SRGAP2B: variants seen among roughly 807,000 people sequenced by gnomAD.
The protein encoded by SRGAP2B is SLIT-ROBO Rho GTPase activating protein 2B.
In SRGAP2B, 9 loss-of-function variants were observed where a neutral mutation model predicts 22.2. The ratio of observed to expected loss-of-function variants is 0.41; its 90% confidence interval spans 0.24 to 0.71. The LOEUF is 0.71. Ranked by LOEUF, SRGAP2B falls within the 30% of genes least tolerant of loss-of-function variation. The probability of loss-of-function intolerance (pLI) is 0.35; values close to 1 mark genes in which losing one functional copy is unlikely to be tolerated. For missense variants in SRGAP2B, 114 were observed against 235.8 expected (o/e 0.48, Z 3.38); for synonymous variants, 36 against 87.4 (o/e 0.41, Z 3.28).
At chr1:144,958,955 T>C (rs1667478643) in intron 3 of SRGAP2B, among the ~76,000 whole-genome samples, 1 of 149,960 alleles carries the variant, frequency 6.7e-6, no homozygotes, top group South Asian at 2.1e-4. Context: ...GCTGCTAGCA[T>C]TGTTTTATGT....
intron 2 of SRGAP2B, among the ~76,000 whole-genome samples, chr1:145,009,415 C>A (rs1227419708): frequency 1.4e-5 from 2 of 147,810 alleles, no homozygotes; most frequent in African/African-American, 5.2e-5. Context: ...GGTGAAACCC[C>A]GTCTCTACTA....
chr1:144,961,294 A>T (rs587767265), intron 3 of SRGAP2B, among the ~76,000 whole-genome samples: 40 of 147,658 alleles, frequency 2.7e-4, no homozygotes, highest in African/African-American at 9.9e-4. Flanking sequence ...GTTGACAGAA[A>T]GGAATCCAAA....
intron 4 of SRGAP2B, among the ~76,000 whole-genome samples, chr1:144,925,130 G>A (rs1553604774): frequency 1.3e-5 from 2 of 149,266 alleles, no homozygotes; most frequent in African/African-American, 2.6e-5. Flanking sequence ...AGCCTCCCAA[G>A]TAGCTGGGAC....
At chr1:145,009,232 A>T (rs1318742050) in intron 2 of SRGAP2B, among the ~76,000 whole-genome samples, 1 of 149,354 alleles carries the variant, frequency 6.7e-6, no homozygotes, top group Non-Finnish European at 1.5e-5. Context: ...TCAAAGATAA[A>T]TTATATCTGC....
chr1:144,917,586 G>A (rs1453023026), intron 4 of SRGAP2B, among the ~76,000 whole-genome samples: 2 of 146,108 alleles, frequency 1.4e-5, no homozygotes, highest in Non-Finnish European at 2.9e-5. Flanking sequence ...AAAAAAAACA[G>A]CAATTAAGCC....
rs1228904998 is a variant in SRGAP2B, at chr1:144,932,374, A to G, written c.424-17620T>C. 3.3e-5 allele frequency among the ~76,000 whole-genome samples: 5 copies of G among 151,000 alleles called. 1 individual carries two copies. Among genetic ancestry groups the G allele is most frequent in the Non-Finnish European group, 4.4e-5 (3 of 67,988 alleles). On this transcript the variant is annotated intron_variant, in intron 4 of 9. Coordinates refer to ENST00000612199, the Ensembl canonical transcript of SRGAP2B. ...TGCCTTTCTCTCCACTGCCCTTGAC[A>G]CTAATTTAATCAAGATGTCCTTCTA...
At chr1:144,991,203 G>A (rs1374342352) in intron 3 of SRGAP2B, among the ~76,000 whole-genome samples, 8 of 148,196 alleles carry the variant, frequency 5.4e-5, no homozygotes, top group African/African-American at 1.8e-4. Flanking sequence ...CAAGGTTTGT[G>A]AGTGCACCAA....
chr1:145,000,377 C>T, intron 2 of SRGAP2B, among the ~76,000 whole-genome samples: 1 of 122,692 alleles, frequency 8.2e-6, no homozygotes, highest in East Asian at 2.3e-4. Flanking sequence ...TAGAAAGAGG[C>T]TTATTTCCTT....
Position 144,966,545 on chromosome 1 carries a change from T to C in SRGAP2B, c.261-10944A>G, listed in dbSNP as rs1487085297. 4.1e-5 allele frequency among the ~76,000 whole-genome samples: 6 copies of C among 146,620 alleles called. No individual in the cohort carries two copies. The South Asian group carries it at 6.4e-4, about 16-fold the overall frequency. The stretch of plus-strand genomic sequence containing the variant: ...CCAGCCACTGCAAAAACATGCCCAA[T>C]TGTAAACACCATCGATGCTAGGAAG... On this transcript the variant is annotated intron_variant, in intron 3 of 9. Coordinates refer to ENST00000612199, the Ensembl canonical transcript of SRGAP2B.
intron 3 of SRGAP2B, among the ~76,000 whole-genome samples, chr1:144,985,528 A>G: frequency 6.6e-6 from 1 of 151,420 alleles, no homozygotes; most frequent in East Asian, 1.9e-4. Context: ...CAAACAGCCA[A>G]TGCATTATCA....
Position 145,016,856 on chromosome 1 carries a change from G to GT in SRGAP2B, c.68-21657dup, listed in dbSNP as rs1185140208. Among the ~76,000 whole-genome samples, 100 of 120,744 alleles carry GT rather than the reference G, an allele frequency of 8.3e-4. 8 individuals carry two copies. The highest frequency in any genetic ancestry group is 4.2e-3 in the Middle Eastern group (1 of 236). The allele number at this position is 120,744 out of a possible 152,430, so 79.2% of individuals were successfully genotyped here. On this transcript the variant is annotated intron_variant, in intron 2 of 9. Transcript: ENST00000612199. ...AAAGCACTCAAGTTTTTTTTTTTTTGTTTTTTTTTTGAGACGGAGTCTCAC... is the reference window on the plus strand; with the variant it reads ...AAAGCACTCAAGTTTTTTTTTTTTTGTTTTTTTTTTTGAGACGGAGTCTCAC...
intron 2 of SRGAP2B, among the ~76,000 whole-genome samples, chr1:145,038,437 C>CA (rs1242129288): frequency 1.5e-5 from 2 of 132,670 alleles, no homozygotes; most frequent in Non-Finnish European, 3.1e-5. Flanking sequence ...ATATGCCTTT[C>CA]AAAAAAATTT....
At chr1:144,998,716 C>A (rs1454796459) in intron 2 of SRGAP2B, among the ~76,000 whole-genome samples, 5 of 151,100 alleles carry the variant, frequency 3.3e-5, no homozygotes, top group Non-Finnish European at 5.9e-5. Context: ...TTCAAAGAAT[C>A]CATACAGGCA....
intron 4 of SRGAP2B, among the ~76,000 whole-genome samples, chr1:144,934,715 T>C (rs1665496694): frequency 6.6e-6 from 1 of 150,738 alleles, no homozygotes; most frequent in Non-Finnish European, 1.5e-5. Context: ...AATCTGTCCA[T>C]GGCACTCTCT....
intron 2 of SRGAP2B, among the ~76,000 whole-genome samples, chr1:145,030,295 T>C (rs1553625753): frequency 6.6e-6 from 1 of 150,496 alleles, no homozygotes. Flanking sequence ...TTTACACACG[T>C]TATTCTTCCA....
In SRGAP2B at chr1:144,972,786, T is replaced by G. The variant is rs587662995; in HGVS notation, c.261-17185A>C. ...CACCAACTAGCATTTCTCAAAAAAT[T>G]AAGTAGGCAACAGTAGAAGAGAATA... is the stretch of plus-strand genomic sequence containing the variant. On this transcript the variant is annotated intron_variant, in intron 3 of 9. Transcript: ENST00000612199. 6.6e-4 allele frequency among the ~76,000 whole-genome samples: 98 copies of G among 148,654 alleles called. 7 individuals are homozygous for G. Among genetic ancestry groups the G allele is most frequent in the African/African-American group, 2.4e-3 (94 of 38,984 alleles).
At chr1:144,911,623 T>C (rs1194699460) in intron 5 of SRGAP2B, among the ~76,000 whole-genome samples, 1 of 147,814 alleles carries the variant, frequency 6.8e-6, no homozygotes, top group Non-Finnish European at 1.5e-5. Context: ...ACTGCTATTT[T>C]TTTTTTTTTT....
intron 3 of SRGAP2B, among the ~76,000 whole-genome samples, chr1:144,956,464 T>G (rs1367036070): frequency 1.5e-4 from 20 of 130,880 alleles, no homozygotes; most frequent in Non-Finnish European, 2.9e-4. Flanking sequence ...TTTTTTTTTT[T>G]TGAGACAAAG....
At chr1:144,922,537 A>G (rs1201017237) in intron 4 of SRGAP2B, among the ~76,000 whole-genome samples, 1 of 150,370 alleles carries the variant, frequency 6.7e-6, no homozygotes, top group Non-Finnish European at 1.5e-5. Flanking sequence ...CAAAAAAACA[A>G]AACTCCCAAA....
Sources: gnomAD v4.1 joint callset for allele counts (sites outside exome capture counted in the v4.1 genomes callset) on GRCh38, gnomAD v4.1.1 for gene constraint, MANE v1.5 for transcripts, NCBI Gene and HGNC (gene_info 2026-07-23, HGNC 2026-07-21) for gene names.